The following ANK2 variants were observed in gnomAD, a reference collection of about 807,000 sequenced individuals.
ANK2 encodes ankyrin-2.
ANK2 carries 83 observed loss-of-function variants against 360.5 expected under a neutral mutation model. That is an observed-to-expected ratio of 0.23 (90% CI 0.19 to 0.28). ANK2 has a LOEUF of 0.28. ANK2 is among the 10% of genes least tolerant of loss of function. The pLI is 1.00. For synonymous variants in ANK2, 1,740 were observed against 1,759.5 expected (o/e 0.99, Z 0.28); for missense variants, 4,201 against 4,795.7 (o/e 0.88, Z 3.66).
chr4:112,912,593 T>C (rs1348587139), intron 2 of ANK2, among the ~76,000 whole-genome samples: 1 of 152,038 alleles, frequency 6.6e-6, no homozygotes, highest in East Asian at 1.9e-4. Flanking sequence ...CTGGAAAATA[T>C]CACACAATTA....
the ANK2 span, among the ~76,000 whole-genome samples, chr4:112,802,077 G>T: frequency 6.6e-6 from 1 of 152,104 alleles, no homozygotes; most frequent in Non-Finnish European, 1.5e-5. Flanking sequence ...TCACTTCCTG[G>T]TTTCCGGTTT....
intron 43 of ANK2, among the ~76,000 whole-genome samples, chr4:113,370,401 C>T: frequency 6.6e-6 from 1 of 152,010 alleles, no homozygotes; most frequent in Admixed American, 6.6e-5. Context: ...AAGATTGCAT[C>T]ATAGCGCTTC....
chr4:113,049,285 C>T (rs1340305635), upstream of ANK2, among the ~76,000 whole-genome samples: 2 of 152,122 alleles, frequency 1.3e-5, no homozygotes, highest in Non-Finnish European at 2.9e-5. Context: ...GCTAAATGTA[C>T]CTCTTCAGGT....
the ANK2 span, among the ~76,000 whole-genome samples, chr4:112,743,832 A>G: frequency 2.0e-5 from 3 of 151,346 alleles, no homozygotes; most frequent in Non-Finnish European, 4.4e-5. Context: ...GGCGTGAGCC[A>G]CCATGCCTGG....
chr4:112,731,940 G>A, the ANK2 span, among the ~76,000 whole-genome samples: 3 of 152,084 alleles, frequency 2.0e-5, no homozygotes, highest in Non-Finnish European at 4.4e-5. Context: ...ACAGGTGTGC[G>A]GCACCATGCC....
intron 2 of ANK2, among the ~76,000 whole-genome samples, chr4:112,931,566 A>G (rs2154237699): frequency 6.6e-6 from 1 of 150,458 alleles, no homozygotes; most frequent in Non-Finnish European, 1.5e-5. Context: ...CCTCCCGAGT[A>G]GCTGGAATTC....
chr4:113,230,099 GT>G (rs986940096), intron 4 of ANK2, among the ~76,000 whole-genome samples: 3 of 151,784 alleles, frequency 2.0e-5, no homozygotes, highest in African/African-American at 7.3e-5. Flanking sequence ...TGCTTGCTGT[GT>G]TTTTTTAAAA....
chr4:113,372,966 T>A, intron 43 of ANK2, 124 bp from the exon 44 acceptor site: 2 of 905,784 alleles, frequency 2.2e-6, no homozygotes, highest in Non-Finnish European at 3.7e-6. Flanking sequence ...GGATTTTGTA[T>A]CTCAGCAATG....
chr4:113,359,196 C>T lies in ANK2; in HGVS notation c.10578C>T (p.His3526=). ...IENLPPVETE[H]SVPEDIFDTR... is the part of the protein sequence containing the mutation. ...ATCTGCCACCTGTTGAGACCGAGCA[C>T]TCAGTTCCTGAGGACATCTTTGACA... Residue 3526 remains histidine (H), a synonymous_variant, in exon 38 of 46, where the codon CAC becomes CAT. Coordinates refer to ENST00000357077, the MANE Select transcript of ANK2 (RefSeq NM_001148.6). 1 of 1,613,332 alleles carries T rather than the reference C, an allele frequency of 6.2e-7. No individual in the cohort carries two copies. The highest frequency in any genetic ancestry group is 8.5e-7 in the Non-Finnish European group (1 of 1,179,346).
chr4:112,842,998 ACCACT>A (rs2062474293), intron 1 of ANK2, among the ~76,000 whole-genome samples: 1 of 152,110 alleles, frequency 6.6e-6, no homozygotes, highest in South Asian at 2.1e-4. Context: ...TTCAAAGCAC[ACCACT>A]CCAACCTCTG....
chr4:112,892,543 A>C (rs1434700283), intron 1 of ANK2, among the ~76,000 whole-genome samples: 2 of 152,240 alleles, frequency 1.3e-5, no homozygotes, highest in African/African-American at 4.8e-5. Context: ...CAAATTTTGA[A>C]GAATTTTGAA....
chr4:112,949,065 G>A (rs2094756326), intron 2 of ANK2, among the ~76,000 whole-genome samples: 1 of 152,118 alleles, frequency 6.6e-6, no homozygotes, highest in African/African-American at 2.4e-5. Context: ...AGGAGGTACA[G>A]CTCCAGCCAT....
the ANK2 span, among the ~76,000 whole-genome samples, chr4:112,734,332 C>T: frequency 6.6e-6 from 1 of 152,194 alleles, no homozygotes; most frequent in African/African-American, 2.4e-5. Flanking sequence ...TTGACAAGTG[C>T]TGAAAATATT....
At chr4:113,294,855 C>A (rs1587481726) in intron 22 of ANK2, among the ~76,000 whole-genome samples, 1 of 152,112 alleles carries the variant, frequency 6.6e-6, no homozygotes, top group African/African-American at 2.4e-5. Flanking sequence ...TATTTAATGG[C>A]TTTTTCTTAT....
intron 1 of ANK2, among the ~76,000 whole-genome samples, chr4:112,857,779 T>C (rs2066825296): frequency 6.6e-6 from 1 of 152,204 alleles, no homozygotes; most frequent in Admixed American, 6.5e-5. Flanking sequence ...AGGGATCCAG[T>C]GCTCCTGAAG....
intron 2 of ANK2, among the ~76,000 whole-genome samples, chr4:113,007,525 TC>T (rs2053308762): frequency 6.6e-6 from 1 of 152,164 alleles, no homozygotes; most frequent in Admixed American, 6.5e-5. Flanking sequence ...TCTCCCCATC[TC>T]AGAAGAAAAC....
At chr4:113,279,343 T>C (rs2061395719) in intron 17 of ANK2, among the ~76,000 whole-genome samples, 1 of 152,218 alleles carries the variant, frequency 6.6e-6, no homozygotes, top group Non-Finnish European at 1.5e-5. Flanking sequence ...CCAAACACTA[T>C]GCCGAGCACT....
intron 2 of ANK2, among the ~76,000 whole-genome samples, chr4:112,956,473 A>G (rs982614661): frequency 6.6e-6 from 1 of 152,190 alleles, no homozygotes; most frequent in African/African-American, 2.4e-5. Flanking sequence ...ATTAGGTAAA[A>G]TAAGTGTGAC....
chr4:112,962,036 G>A (rs2035074611), intron 2 of ANK2, among the ~76,000 whole-genome samples: 1 of 151,994 alleles, frequency 6.6e-6, no homozygotes, highest in Admixed American at 6.6e-5. Context: ...TCAAACTTTG[G>A]TTACTTTTAG....
Sources: gnomAD v4.1 joint callset for allele counts (sites outside exome capture counted in the v4.1 genomes callset) on GRCh38, gnomAD v4.1.1 for gene constraint, MANE v1.5 for transcripts, NCBI Gene and HGNC (gene_info 2026-07-23, HGNC 2026-07-21) for gene names.